Variants in MEGF10 observed in about 807,000 individuals in gnomAD.
The protein encoded by MEGF10 is multiple EGF like domains 10.
Under a neutral mutation model 147.5 loss-of-function variants are expected in MEGF10, and 86 were observed. The observed-to-expected ratio is 0.58, with a 90% CI of 0.49 to 0.70. The LOEUF (loss-of-function observed/expected upper bound fraction) is 0.70, where lower values mean the gene tolerates loss of function less well. Ranked by LOEUF, MEGF10 falls within the 30% of genes least tolerant of loss-of-function variation. The probability of loss-of-function intolerance (pLI) is 0.00; values close to 1 mark genes in which losing one functional copy is unlikely to be tolerated. For missense variants in MEGF10, 1,329 were observed against 1,487.3 expected (o/e 0.89, Z 1.75); for synonymous variants, 478 against 525.5 (o/e 0.91, Z 1.24).
intron 2 of MEGF10, among the ~76,000 whole-genome samples, chr5:127,337,818 A>T (rs1168707177): frequency 1.3e-5 from 2 of 152,142 alleles, no homozygotes; most frequent in African/African-American, 4.8e-5. Context: ...TCTGCTGAAC[A>T]TCTCCCAGTT....
chr5:127,396,380 G>A, intron 5 of MEGF10, 152 bp from the exon 6 acceptor site: 1 of 823,688 alleles, frequency 1.2e-6, no homozygotes, highest in Non-Finnish European at 1.8e-6. Flanking sequence ...CTGAGCACCA[G>A]TTTGTGAAGC....
At position 127,374,314 on chromosome 5, in the gene MEGF10, G is replaced by GC. The variant is rs573914413; in HGVS notation, c.412+4317dup. Among the ~76,000 whole-genome samples, 25 of 152,240 alleles carry GC rather than the reference G, an allele frequency of 1.6e-4. No homozygotes were observed. The South Asian group carries it at 5.2e-3, about 32-fold the overall frequency. On this transcript the variant is annotated intron_variant, in intron 5 of 24. Coordinates refer to ENST00000503335, the MANE Select transcript of MEGF10 (RefSeq NM_001256545.2). ...ACTCCTTTTGCAATGTCTCTCTAGC[G>GC]CCCCCTATTGAAAATACTTAACATT...
chr5:127,351,655 A>G (rs1460146698), intron 4 of MEGF10, among the ~76,000 whole-genome samples: 1 of 152,172 alleles, frequency 6.6e-6, no homozygotes. Flanking sequence ...CAGGGGACTC[A>G]AGCAGTTTTT....
At chr5:127,430,503 T>C (rs1765357313) in intron 13 of MEGF10, among the ~76,000 whole-genome samples, 1 of 152,216 alleles carries the variant, frequency 6.6e-6, no homozygotes, top group Admixed American at 6.5e-5. Flanking sequence ...TACCCAACAC[T>C]CTCTTAGTGA....
the MEGF10 span, among the ~76,000 whole-genome samples, chr5:127,242,627 A>C: frequency 6.6e-6 from 1 of 152,218 alleles, no homozygotes; most frequent in Non-Finnish European, 1.5e-5. Flanking sequence ...AATCATCTGA[A>C]GTTATTAAAT....
rs1252315041 is a variant in MEGF10, at chr5:127,396,611, C to T, written c.492C>T (p.Thr164=). ...ATGGGGCTCTGTGCAACCCCATCAC[C>T]GGGGCTTGCCACTGTGCTGCGGGCT... The part of the protein sequence containing the change: ...CKNGALCNPI[T]GACHCAAGFR... Residue 164 remains threonine, a synonymous_variant, in exon 6 of 25, where the codon ACC becomes ACT. Coordinates refer to ENST00000503335, the MANE Select transcript of MEGF10 (RefSeq NM_001256545.2). 63 of 1,612,908 alleles carry T rather than the reference C, an allele frequency of 3.9e-5. No individual in the cohort carries two copies. Among genetic ancestry groups the T allele is most frequent in the African/African-American group, 9.3e-5 (7 of 74,946 alleles).
Position 127,422,678 on chromosome 5 carries a change from G to A in MEGF10, c.1599G>A (p.Thr533=), listed in dbSNP as rs780002095. The A allele has an allele frequency of 8.1e-6, 13 of 1,613,666 alleles. No homozygotes were observed. The highest frequency in any genetic ancestry group is 4.4e-5 in the South Asian group (4 of 91,064). The change falls in exon 13 of 25, where the codon ACG becomes ACA. Residue 533 remains threonine (T), a synonymous_variant. Transcript: ENST00000503335. ...EKCELPCQDG[T]YGLNCAERCD... ...TGCTGTTTTCCATGCAGGATGGCAC[G>A]TACGGGCTGAACTGTGCTGAGCGCT...
chr5:127,456,850 A>G (rs1766378219), intron 24 of MEGF10, among the ~76,000 whole-genome samples: 2 of 152,186 alleles, frequency 1.3e-5, no homozygotes, highest in South Asian at 2.1e-4. Context: ...TTTTCAGACC[A>G]TGATTTATTT....
chr5:127,435,088 C>T (rs1013430300), intron 15 of MEGF10, among the ~76,000 whole-genome samples: 13 of 152,124 alleles, frequency 8.5e-5, no homozygotes, highest in African/African-American at 2.9e-4. Context: ...AATCAATATG[C>T]GGAAGAATTT....
At chr5:127,399,183 A>G (rs978817840) in intron 7 of MEGF10, among the ~76,000 whole-genome samples, 2 of 152,218 alleles carry the variant, frequency 1.3e-5, no homozygotes, top group Admixed American at 6.5e-5. Context: ...CTTTGGGAAC[A>G]TTATTCTTAA....
At chr5:127,244,708 C>T in the MEGF10 span, among the ~76,000 whole-genome samples, 2 of 152,022 alleles carry the variant, frequency 1.3e-5, no homozygotes, top group Non-Finnish European at 2.9e-5. Context: ...TGTGTGACTT[C>T]TGAAGAAAAG....
At chr5:127,419,046 T>C (rs1764882456) in intron 10 of MEGF10, 74 bp from the exon 11 acceptor site, 2 of 1,494,378 alleles carry the variant, frequency 1.3e-6, no homozygotes, top group Non-Finnish European at 1.8e-6. Context: ...TGCCAAGATA[T>C]ATTTTTGTTT....
chr5:127,423,502 T>C (rs1765101621), intron 13 of MEGF10, among the ~76,000 whole-genome samples: 1 of 152,230 alleles, frequency 6.6e-6, no homozygotes, highest in African/African-American at 2.4e-5. Context: ...TTCCTACCAG[T>C]AATGTACGAG....
At chr5:127,247,448 A>G in the MEGF10 span, among the ~76,000 whole-genome samples, 90 of 127,932 alleles carry the variant, frequency 7.0e-4, 8 homozygotes, top group African/African-American at 2.2e-3. Flanking sequence ...AAGAAGAAGA[A>G]GAAGAAGAAG....
chr5:127,309,955 T>TTCTTTCTTTCTTTC (rs1171838005), intron 1 of MEGF10, among the ~76,000 whole-genome samples: 1 of 56,888 alleles, frequency 1.8e-5, no homozygotes, highest in African/African-American at 7.3e-5. Context: ...AACTCTTTCT[T>TTCTTTCTTTCTTTC]TCTTTCTTTC....
chr5:127,268,656 CTG>C, the MEGF10 span, among the ~76,000 whole-genome samples: 1 of 152,238 alleles, frequency 6.6e-6, no homozygotes, highest in Non-Finnish European at 1.5e-5. Context: ...GACCCCACCT[CTG>C]GGGGTAGGGC....
intron 2 of MEGF10, among the ~76,000 whole-genome samples, chr5:127,334,256 CAAA>C (rs1211330099): frequency 6.6e-6 from 1 of 152,084 alleles, no homozygotes; most frequent in African/African-American, 2.4e-5. Context: ...TTCTTATGCT[CAAA>C]ACCACCTGTA....
At chr5:127,244,507 T>C in the MEGF10 span, among the ~76,000 whole-genome samples, 1 of 151,858 alleles carries the variant, frequency 6.6e-6, no homozygotes, top group African/African-American at 2.4e-5. Context: ...AGTCTTCACA[T>C]AGAGAAAGCT....
intron 24 of MEGF10, among the ~76,000 whole-genome samples, chr5:127,456,111 A>G (rs1394664193): frequency 6.6e-6 from 1 of 152,204 alleles, no homozygotes; most frequent in Non-Finnish European, 1.5e-5. Flanking sequence ...TTTGGCACAC[A>G]TGTGGATAGC....
Sources: gnomAD v4.1 joint callset for allele counts (sites outside exome capture counted in the v4.1 genomes callset) on GRCh38, gnomAD v4.1.1 for gene constraint, MANE v1.5 for transcripts, NCBI Gene and HGNC (gene_info 2026-07-23, HGNC 2026-07-21) for gene names.